DOK6: variants seen among roughly 807,000 people sequenced by gnomAD.
The protein encoded by DOK6 is downstream of tyrosine kinase 6.
DOK6 carries 22 observed loss-of-function variants against 44.0 expected under a neutral mutation model. The observed-to-expected ratio is 0.50, with a 90% CI of 0.36 to 0.71. The LOEUF is 0.71. Ranked by LOEUF, DOK6 falls within the 30% of genes least tolerant of loss-of-function variation. The pLI is 0.00. For missense variants in DOK6, 340 were observed against 416.4 expected (o/e 0.82, Z 1.60); for synonymous variants, 166 against 145.5 (o/e 1.14, Z -1.01).
chr18:69,712,300 AAAAAAAAAAAAAAAAAAAAAAAAAAAT>A (rs1424503866), intron 5 of DOK6, among the ~76,000 whole-genome samples: 3,286 of 129,692 alleles, frequency 0.025, 209 homozygotes, highest in Middle Eastern at 0.06. Context: ...AAAAAAAAAA[AAAAAAAAAAAAAAAAAAAAAAAAAAAT>A]TTAACCTTTT....
intron 7 of DOK6, among the ~76,000 whole-genome samples, chr18:69,806,936 G>A (rs1981067637): frequency 6.6e-6 from 1 of 151,974 alleles, no homozygotes; most frequent in Admixed American, 6.6e-5. Flanking sequence ...AGGAGATGCT[G>A]ATGAATATAT....
intron 3 of DOK6, among the ~76,000 whole-genome samples, chr18:69,608,318 T>C (rs879565559): frequency 2.6e-5 from 4 of 152,210 alleles, no homozygotes; most frequent in Admixed American, 6.5e-5. Context: ...GAGTTGACTA[T>C]ATACGTGTGG....
chr18:69,779,817 A>T (rs1162762881), intron 7 of DOK6, among the ~76,000 whole-genome samples: 1 of 151,904 alleles, frequency 6.6e-6, no homozygotes, highest in Non-Finnish European at 1.5e-5. Context: ...TTGACAGAAG[A>T]TACTATTGAT....
chr18:69,425,166 T>C (rs927887214), intron 1 of DOK6, among the ~76,000 whole-genome samples: 1 of 152,180 alleles, frequency 6.6e-6, no homozygotes, highest in African/African-American at 2.4e-5. Flanking sequence ...AGAATTTTGC[T>C]GTTGTAGTCA....
At chr18:69,673,494 T>C (rs79566754) in intron 3 of DOK6, among the ~76,000 whole-genome samples, 5,801 of 152,326 alleles carry the variant, frequency 0.038, 176 homozygotes, top group East Asian at 0.095. Context: ...TCCCCAGAAT[T>C]CTGTGGAGAA....
chr18:69,722,583 T>C (rs1978290423), intron 5 of DOK6, among the ~76,000 whole-genome samples: 1 of 152,182 alleles, frequency 6.6e-6, no homozygotes, highest in Non-Finnish European at 1.5e-5. Context: ...TCAAGGTCAG[T>C]CAAGGTCACG....
intron 2 of DOK6, among the ~76,000 whole-genome samples, chr18:69,575,223 T>C (rs976951567): frequency 2.6e-5 from 4 of 152,066 alleles, no homozygotes; most frequent in South Asian, 2.1e-4. Flanking sequence ...GATTTTGCAC[T>C]CACAGAAACA....
intron 1 of DOK6, among the ~76,000 whole-genome samples, chr18:69,516,293 CA>C (rs1402442563): frequency 6.6e-6 from 1 of 150,746 alleles, no homozygotes; most frequent in Admixed American, 6.6e-5. Context: ...AGCAGAAACA[CA>C]AACACATAAT....
At chr18:69,634,059 C>G (rs1984749297) in intron 3 of DOK6, among the ~76,000 whole-genome samples, 1 of 151,456 alleles carries the variant, frequency 6.6e-6, no homozygotes, top group Middle Eastern at 3.4e-3. Context: ...AAAGTTATCT[C>G]CCAAATCAAA....
chr18:69,772,734 G>A (rs943616351), intron 7 of DOK6, among the ~76,000 whole-genome samples: 3 of 151,960 alleles, frequency 2.0e-5, no homozygotes, highest in Non-Finnish European at 4.4e-5. Context: ...GTTAAGGCCT[G>A]AAACCATAAA....
intron 7 of DOK6, among the ~76,000 whole-genome samples, chr18:69,762,149 G>GCATGCATA (rs763415387): frequency 4.5e-5 from 5 of 110,732 alleles, no homozygotes; most frequent in African/African-American, 1.1e-4. Flanking sequence ...ATCTCTGCAT[G>GCATGCATA]CATACATACA....
At position 69,785,103 on chromosome 18, in the gene DOK6, C is replaced by T. The variant is rs146260323; in HGVS notation, c.856+27230C>T. Among the ~76,000 whole-genome samples the T allele has an allele frequency of 2.5e-4, 38 of 152,238 alleles. 1 individual carries two copies. The highest frequency in any genetic ancestry group is 7.2e-4 in the African/African-American group (30 of 41,548). ...TTCCCATTATTGCTGTCATATAGGA[C>T]ACATAATTCAGCAAATGCTTCCATT... On this transcript the variant is annotated intron_variant, in intron 7 of 7. Transcript: ENST00000382713.
At chr18:69,510,688 A>G (rs574215892) in intron 1 of DOK6, among the ~76,000 whole-genome samples, 28 of 152,328 alleles carry the variant, frequency 1.8e-4, no homozygotes, top group Middle Eastern at 6.8e-3. Flanking sequence ...TGTATAAAAC[A>G]TCTTATGATT....
chr18:69,651,948 A>G (rs1479063025), intron 3 of DOK6, among the ~76,000 whole-genome samples: 1 of 151,944 alleles, frequency 6.6e-6, no homozygotes, highest in Non-Finnish European at 1.5e-5. Context: ...AATTTAAGTT[A>G]GCCTTAAAAG....
At chr18:69,530,932 A>C (rs911591980) in intron 1 of DOK6, among the ~76,000 whole-genome samples, 5 of 152,118 alleles carry the variant, frequency 3.3e-5, no homozygotes, top group Non-Finnish European at 7.4e-5. Context: ...GACTTGCTTT[A>C]TAAATCTGGG....
chr18:69,726,662 T>C (rs921890009), intron 5 of DOK6, among the ~76,000 whole-genome samples: 1 of 149,852 alleles, frequency 6.7e-6, no homozygotes, highest in Non-Finnish European at 1.5e-5. Context: ...TATGTATATG[T>C]GTGTGTGTGT....
At chr18:69,802,327 C>A (rs986347970) in intron 7 of DOK6, among the ~76,000 whole-genome samples, 3 of 152,162 alleles carry the variant, frequency 2.0e-5, no homozygotes, top group African/African-American at 7.2e-5. Flanking sequence ...GCATTCGGTA[C>A]GCTCCTTGAC....
chr18:69,599,277 T>A (rs1423725453), intron 2 of DOK6, 107 bp from the exon 3 acceptor site: 1 of 806,386 alleles, frequency 1.2e-6, no homozygotes, highest in African/African-American at 1.7e-5. Context: ...AGTACAAATA[T>A]CCCGTGGAAA....
intron 1 of DOK6, among the ~76,000 whole-genome samples, chr18:69,525,044 TTAATC>T (rs1981791902): frequency 6.6e-6 from 1 of 151,836 alleles, no homozygotes; most frequent in Non-Finnish European, 1.5e-5. Context: ...TTTTCTGAAT[TTAATC>T]CAATCAATAT....
Sources: allele counts gnomAD v4.1 joint callset (sites outside exome capture counted in the v4.1 genomes callset), GRCh38; gene constraint gnomAD v4.1.1; transcripts MANE v1.5; gene names NCBI Gene and HGNC (gene_info 2026-07-23, HGNC 2026-07-21).